The following GPC6 variants were observed in gnomAD, a reference collection of about 807,000 sequenced individuals.
The protein encoded by GPC6 is glypican-6.
GPC6 carries 14 observed loss-of-function variants against 55.2 expected under a neutral mutation model. The observed-to-expected ratio is 0.25, with a 90% CI of 0.17 to 0.40. The LOEUF is 0.40. Among genes scored for constraint, GPC6 ranks in the 10% least tolerant of loss-of-function variants. The probability of loss-of-function intolerance (pLI) is 1.00; values close to 1 mark genes in which losing one functional copy is unlikely to be tolerated. For synonymous variants in GPC6, 278 were observed against 259.6 expected (o/e 1.07, Z -0.68); for missense variants, 641 against 708.5 (o/e 0.90, Z 1.08).
intron 6 of GPC6, among the ~76,000 whole-genome samples, chr13:94,350,008 G>A (rs1015937422): frequency 6.6e-6 from 1 of 151,824 alleles, no homozygotes; most frequent in Admixed American, 6.6e-5. Context: ...TCAATGCTGA[G>A]CACAAAATCC....
intron 4 of GPC6, among the ~76,000 whole-genome samples, chr13:94,225,553 T>A (rs953625805): frequency 6.6e-6 from 1 of 152,036 alleles, no homozygotes; most frequent in African/African-American, 2.4e-5. Flanking sequence ...CACGCAGTGT[T>A]TAATAATATG....
At chr13:93,900,503 C>T (rs775781532) in intron 3 of GPC6, among the ~76,000 whole-genome samples, 1 of 152,076 alleles carries the variant, frequency 6.6e-6, no homozygotes, top group Non-Finnish European at 1.5e-5. Flanking sequence ...GTCTTGACCC[C>T]GTTACCATTT....
chr13:93,307,041 T>G (rs1294093670), intron 1 of GPC6, among the ~76,000 whole-genome samples: 3 of 152,136 alleles, frequency 2.0e-5, no homozygotes, highest in Non-Finnish European at 4.4e-5. Context: ...AATTTTTATT[T>G]TTTTATTTCT....
intron 1 of GPC6, among the ~76,000 whole-genome samples, chr13:93,387,017 A>T (rs1875433720): frequency 6.6e-6 from 1 of 152,140 alleles, no homozygotes; most frequent in Non-Finnish European, 1.5e-5. Flanking sequence ...CCGTAATTAC[A>T]TCTACAAAGA....
intron 1 of GPC6, among the ~76,000 whole-genome samples, chr13:93,495,216 C>A (rs1027631647): frequency 7.4e-6 from 1 of 135,840 alleles, no homozygotes; most frequent in African/African-American, 2.7e-5. Flanking sequence ...GGAGGCTTTG[C>A]TCATTTCTTT....
intron 4 of GPC6, among the ~76,000 whole-genome samples, chr13:94,040,151 G>T (rs982892669): frequency 6.6e-6 from 1 of 151,470 alleles, no homozygotes; most frequent in African/African-American, 2.4e-5. Context: ...CGTTCTTCTG[G>T]CCATTACCAA....
At chr13:93,826,456 T>A (rs1277286188) in intron 2 of GPC6, among the ~76,000 whole-genome samples, 2 of 152,122 alleles carry the variant, frequency 1.3e-5, no homozygotes, top group African/African-American at 4.8e-5. Flanking sequence ...AGGATATAGA[T>A]TCACACCACC....
At chr13:93,235,079 C>A (rs1876189698) in intron 1 of GPC6, among the ~76,000 whole-genome samples, 1 of 152,178 alleles carries the variant, frequency 6.6e-6, no homozygotes, top group Non-Finnish European at 1.5e-5. Context: ...TAATTTCCAT[C>A]AGTAATGATA....
At chr13:93,232,765 A>G (rs1462693435) in intron 1 of GPC6, among the ~76,000 whole-genome samples, 1 of 152,178 alleles carries the variant, frequency 6.6e-6, no homozygotes, top group Non-Finnish European at 1.5e-5. Flanking sequence ...AACACTTATA[A>G]AACACAAAAT....
At chr13:93,268,565 A>T (rs940121603) in intron 1 of GPC6, among the ~76,000 whole-genome samples, 1 of 152,108 alleles carries the variant, frequency 6.6e-6, no homozygotes, top group African/African-American at 2.4e-5. Context: ...TGCTACGTAA[A>T]GACCAATTCT....
intron 3 of GPC6, among the ~76,000 whole-genome samples, chr13:93,958,551 C>A (rs1375036895): frequency 2.0e-5 from 3 of 152,024 alleles, no homozygotes; most frequent in African/African-American, 7.2e-5. Flanking sequence ...TTCCATTGGT[C>A]TATATGTCTG....
At chr13:94,279,990 A>G (rs911245034) in intron 4 of GPC6, among the ~76,000 whole-genome samples, 14 of 152,126 alleles carry the variant, frequency 9.2e-5, no homozygotes, top group African/African-American at 3.1e-4. Flanking sequence ...TCAAGTCCTG[A>G]ATATCCTTGT....
At chr13:93,251,196 G>A (rs1404637460) in intron 1 of GPC6, among the ~76,000 whole-genome samples, 2 of 152,086 alleles carry the variant, frequency 1.3e-5, no homozygotes, top group Non-Finnish European at 2.9e-5. Flanking sequence ...GGGTGACTTG[G>A]CAAACCATTA....
intron 4 of GPC6, among the ~76,000 whole-genome samples, chr13:94,233,871 A>G (rs1890800461): frequency 6.6e-6 from 1 of 152,146 alleles, no homozygotes; most frequent in East Asian, 1.9e-4. Context: ...AAAACATAGC[A>G]TATATAGGAT....
chr13:94,066,088 T>A (rs1884506068), intron 4 of GPC6, among the ~76,000 whole-genome samples: 1 of 152,218 alleles, frequency 6.6e-6, no homozygotes, highest in South Asian at 2.1e-4. Context: ...CAGATGGTGC[T>A]CAGTGAATTA....
intron 1 of GPC6, among the ~76,000 whole-genome samples, chr13:93,390,827 G>A (rs1355000983): frequency 2.7e-5 from 4 of 148,270 alleles, no homozygotes; most frequent in Non-Finnish European, 4.5e-5. Flanking sequence ...TGGGGACATT[G>A]GTGTCTTAGT....
chr13:94,048,349 G>A (rs1266665481), intron 4 of GPC6, among the ~76,000 whole-genome samples: 2 of 152,010 alleles, frequency 1.3e-5, no homozygotes, highest in Non-Finnish European at 2.9e-5. Context: ...AAATGGCATT[G>A]ATTTTCCCAT....
intron 3 of GPC6, among the ~76,000 whole-genome samples, chr13:93,907,099 A>C (rs1876714536): frequency 6.6e-6 from 1 of 152,188 alleles, no homozygotes; most frequent in Admixed American, 6.5e-5. Context: ...AAGAAAATAA[A>C]AATCTACAAG....
At chr13:94,178,304 A>C (rs767072987) in intron 4 of GPC6, among the ~76,000 whole-genome samples, 6 of 152,126 alleles carry the variant, frequency 3.9e-5, no homozygotes, top group Non-Finnish European at 8.8e-5. Context: ...GCTGGTCTTT[A>C]AATATTTTAT....
Sources: gnomAD v4.1 joint callset for allele counts (sites outside exome capture counted in the v4.1 genomes callset) on GRCh38, gnomAD v4.1.1 for gene constraint, MANE v1.5 for transcripts, NCBI Gene and HGNC (gene_info 2026-07-23, HGNC 2026-07-21) for gene names.